STAB2: variants seen among roughly 807,000 people sequenced by gnomAD.
STAB2 encodes the protein stabilin 2, also known as stabilin-2.
A neutral mutation model predicts 338.1 loss-of-function variants in STAB2; 288 were observed. The observed-to-expected ratio is 0.85, with a 90% confidence interval of 0.77 to 0.94. The LOEUF (loss-of-function observed/expected upper bound fraction) is 0.94, where lower values mean the gene tolerates loss of function less well. Ranked by LOEUF, STAB2 falls within the 40% of genes least tolerant of loss-of-function variation. STAB2 has a pLI of 0.00. For missense variants in STAB2, 3,141 were observed against 3,210.1 expected (o/e 0.98, Z 0.52); for synonymous variants, 1,202 against 1,193.3 (o/e 1.01, Z -0.15).
chr12:103,702,007 C>G (rs1878916616), intron 34 of STAB2, among the ~76,000 whole-genome samples: 2 of 146,268 alleles, frequency 1.4e-5, no homozygotes, highest in South Asian at 2.2e-4. Context: ...CACACACACA[C>G]ACACACACAC....
At chr12:103,766,264 C>T (rs1210688103) in intron 68 of STAB2, 22 bp from the exon 69 acceptor site, 25 of 1,613,904 alleles carry the variant, frequency 1.5e-5, no homozygotes, top group Non-Finnish European at 2.1e-5. Flanking sequence ...GCCCTGCCCC[C>T]TTACAACCCT....
chr12:103,637,035 G>A (rs1428275253), intron 6 of STAB2, 76 bp from the exon 7 acceptor site: 2 of 1,421,160 alleles, frequency 1.4e-6, no homozygotes, highest in Non-Finnish European at 9.3e-7. Context: ...TTTAATAAAA[G>A]GGAATACTGC....
intron 19 of STAB2, among the ~76,000 whole-genome samples, chr12:103,667,619 T>C (rs922682411): frequency 2.0e-5 from 3 of 152,180 alleles, no homozygotes; most frequent in African/African-American, 7.2e-5. Context: ...CCGGGAATCC[T>C]GTGACCCACA....
At position 103,708,490 on chromosome 12, in the gene STAB2, C is replaced by T. The variant is rs145009264; in HGVS notation, c.4242C>T (p.Gly1414=). 39 of 1,614,114 alleles carry T rather than the reference C, an allele frequency of 2.4e-5. No homozygotes were observed. The African/African-American group carries it at 4.5e-4, about 19-fold the overall frequency. The change falls in exon 39 of 69, where the codon GGC becomes GGT. Residue 1414 remains glycine (G), a synonymous_variant. Transcript: ENST00000388887. ...GCAACCAAGGACCCTTGGGAGATGGCTCCTGTGACTGTGATGTTGGCTGGC... is the reference window on the plus strand; with the variant it reads ...GCAACCAAGGACCCTTGGGAGATGGTTCCTGTGACTGTGATGTTGGCTGGC... ...GRCNQGPLGD[G]SCDCDVGWRG...
At chr12:103,737,489 T>C (rs1882219642) in intron 52 of STAB2, 145 bp from the exon 53 acceptor site, 2 of 827,930 alleles carry the variant, frequency 2.4e-6, no homozygotes, top group South Asian at 3.9e-5. Context: ...ATACATGGGG[T>C]TTTATTAAGT....
intron 5 of STAB2, among the ~76,000 whole-genome samples, chr12:103,628,784 TA>T (rs1593159158): frequency 6.6e-6 from 1 of 152,204 alleles, no homozygotes; most frequent in African/African-American, 2.4e-5. Context: ...GCAATGACCC[TA>T]TTTCCCAATA....
chr12:103,598,648 A>C (rs2138554009), intron 3 of STAB2, among the ~76,000 whole-genome samples: 1 of 152,314 alleles, frequency 6.6e-6, no homozygotes, highest in Admixed American at 6.5e-5. Context: ...TTTTCGTTAA[A>C]AATTTTGTTT....
chr12:103,748,896 A>C, intron 58 of STAB2, 67 bp from the exon 59 acceptor site: 1 of 1,542,564 alleles, frequency 6.5e-7, no homozygotes. Flanking sequence ...GGTGCCCCAT[A>C]CCCTGACCTG....
chr12:103,630,745 G>A (rs931824812), intron 5 of STAB2, among the ~76,000 whole-genome samples: 1 of 152,168 alleles, frequency 6.6e-6, no homozygotes, highest in Non-Finnish European at 1.5e-5. Flanking sequence ...GAATAAAGAT[G>A]GGCTCTAGAA....
At chr12:103,718,353 C>T (rs186036540) in intron 44 of STAB2, among the ~76,000 whole-genome samples, 2 of 152,176 alleles carry the variant, frequency 1.3e-5, no homozygotes, top group Non-Finnish European at 2.9e-5. Context: ...AACTACCCTC[C>T]ATGGCCCCTA....
intron 9 of STAB2, among the ~76,000 whole-genome samples, chr12:103,644,995 G>T (rs940626197): frequency 6.6e-6 from 1 of 152,196 alleles, no homozygotes; most frequent in Admixed American, 6.5e-5. Flanking sequence ...ACAGTGAAAT[G>T]AGTGAGAATT....
intron 15 of STAB2, among the ~76,000 whole-genome samples, chr12:103,657,195 T>C (rs953593860): frequency 8.8e-5 from 13 of 148,430 alleles, no homozygotes; most frequent in African/African-American, 2.7e-4. Context: ...TAGACCTCTC[T>C]TTAGAACTCA....
At chr12:103,601,575 G>A (rs1422198040) in intron 3 of STAB2, among the ~76,000 whole-genome samples, 2 of 152,194 alleles carry the variant, frequency 1.3e-5, no homozygotes, top group Non-Finnish European at 2.9e-5. Context: ...CTGAGTGACA[G>A]AGCGAGACTC....
At chr12:103,706,414 TC>T (rs374214020) in intron 37 of STAB2, among the ~76,000 whole-genome samples, 34 of 152,234 alleles carry the variant, frequency 2.2e-4, no homozygotes, top group African/African-American at 7.9e-4. Flanking sequence ...CGAAATAACA[TC>T]GATGTGAAGG....
chr12:103,733,636 T>C (rs1445823039), intron 51 of STAB2, among the ~76,000 whole-genome samples: 1 of 152,154 alleles, frequency 6.6e-6, no homozygotes, highest in Non-Finnish European at 1.5e-5. Flanking sequence ...AGCACGATCA[T>C]ATAGAAACTA....
chr12:103,623,635 A>T (rs562556253), intron 5 of STAB2, among the ~76,000 whole-genome samples: 20 of 152,330 alleles, frequency 1.3e-4, no homozygotes, highest in African/African-American at 4.8e-4. Context: ...TCCAAAAAGG[A>T]GCACAACACT....
chr12:103,677,618 T>G lies in STAB2; in HGVS notation c.2805+7T>G, dbSNP rs750415523. The G allele has an allele frequency of 5.6e-6, 9 of 1,606,604 alleles. No individual in the cohort carries two copies. In the South Asian group the frequency reaches 9.9e-5, roughly 18 times the overall value. ...GTATGTGGGTCCCGGGCAGGTAGGT[T>G]GGATGTCATGAGAGCAAAGAGAAAG... On this transcript the variant is annotated splice_region_variant and intron_variant, in intron 25 of 68. Transcript: ENST00000388887.
At chr12:103,590,389 A>C (rs1002663536) in intron 1 of STAB2, among the ~76,000 whole-genome samples, 2 of 152,210 alleles carry the variant, frequency 1.3e-5, no homozygotes, top group African/African-American at 4.8e-5. Flanking sequence ...AAAGATTGCA[A>C]ATATCTCTGA....
At chr12:103,727,230 A>G in intron 46 of STAB2, 37 bp from the exon 47 acceptor site, 1 of 1,611,212 alleles carries the variant, frequency 6.2e-7, no homozygotes. Context: ...ATTGATGTTA[A>G]GTGAGTGATG....
Sources: gnomAD v4.1 joint callset for allele counts (sites outside exome capture counted in the v4.1 genomes callset) on GRCh38, gnomAD v4.1.1 for gene constraint, MANE v1.5 for transcripts, NCBI Gene and HGNC (gene_info 2026-07-23, HGNC 2026-07-21) for gene names.